ERC1: variants seen among roughly 807,000 people sequenced by gnomAD.
The protein encoded by ERC1 is ELKS/RAB6-interacting/CAST family member 1.
In ERC1, 56 loss-of-function variants were observed where a neutral mutation model predicts 132.0. That is an observed-to-expected ratio of 0.42 (90% CI 0.34 to 0.53). ERC1 has a LOEUF of 0.53. ERC1 is among the 20% of genes least tolerant of loss of function. ERC1 has a pLI of 0.03. For missense variants in ERC1, 1,202 were observed against 1,349.9 expected (o/e 0.89, Z 1.72); for synonymous variants, 478 against 476.1 (o/e 1.00, Z -0.05).
chr12:1,179,769 A>G (rs1954194740), intron 8 of ERC1, among the ~76,000 whole-genome samples: 1 of 152,088 alleles, frequency 6.6e-6, no homozygotes, highest in African/African-American at 2.4e-5. Context: ...GGCCTCCCAA[A>G]GTGCTGGGAT....
intron 3 of ERC1, among the ~76,000 whole-genome samples, chr12:1,097,401 T>C (rs1944170618): frequency 6.6e-6 from 1 of 152,242 alleles, no homozygotes; most frequent in African/African-American, 2.4e-5. Flanking sequence ...TGGTTTAGAA[T>C]AGCCTTTTCT....
chr12:1,309,973 A>G (rs891007615), intron 15 of ERC1, among the ~76,000 whole-genome samples: 4 of 150,106 alleles, frequency 2.7e-5, no homozygotes, highest in Non-Finnish European at 4.5e-5. Context: ...TTTGAGACAG[A>G]GTCTCGTGCT....
At chr12:1,461,942 CACAT>C (rs1375001707) in intron 18 of ERC1, among the ~76,000 whole-genome samples, 1 of 152,020 alleles carries the variant, frequency 6.6e-6, no homozygotes, top group Non-Finnish European at 1.5e-5. Flanking sequence ...CACACAAAAA[CACAT>C]ACACACATGA....
intron 15 of ERC1, among the ~76,000 whole-genome samples, chr12:1,297,538 CAAAAAAAA>C (rs34023344): frequency 1.2e-5 from 1 of 80,572 alleles, no homozygotes; most frequent in Admixed American, 1.5e-4. Context: ...CCTGTTTCTA[CAAAAAAAA>C]AAAAAAAAAA....
intron 18 of ERC1, among the ~76,000 whole-genome samples, chr12:1,451,566 A>G (rs554677259): frequency 6.6e-6 from 1 of 152,318 alleles, no homozygotes; most frequent in African/African-American, 2.4e-5. Context: ...TCAAGATTGC[A>G]GTGAGCTATG....
chr12:1,379,856 G>A (rs1182487789), intron 16 of ERC1, among the ~76,000 whole-genome samples: 1 of 152,108 alleles, frequency 6.6e-6, no homozygotes, highest in African/African-American at 2.4e-5. Flanking sequence ...CCCTTATATA[G>A]TATAGGAGGG....
chr12:1,190,217 G>C, intron 12 of ERC1, 165 bp downstream of exon 12: 1 of 763,600 alleles, frequency 1.3e-6, no homozygotes, highest in Non-Finnish European at 2.4e-6. Context: ...TACGTTCTTT[G>C]TTGAGGTGTC....
intron 18 of ERC1, among the ~76,000 whole-genome samples, chr12:1,488,555 A>T (rs556656064): frequency 6.6e-6 from 1 of 152,122 alleles, no homozygotes; most frequent in Non-Finnish European, 1.5e-5. Context: ...TTGGCCTGAC[A>T]TGGTTATTAT....
intron 7 of ERC1, among the ~76,000 whole-genome samples, chr12:1,140,877 T>C (rs898663665): frequency 1.3e-5 from 2 of 152,116 alleles, no homozygotes; most frequent in African/African-American, 4.8e-5. Flanking sequence ...GTTATATGTT[T>C]GAAATGACAA....
intron 7 of ERC1, among the ~76,000 whole-genome samples, chr12:1,131,304 C>A (rs1005195117): frequency 6.6e-6 from 1 of 151,884 alleles, no homozygotes; most frequent in Non-Finnish European, 1.5e-5. Flanking sequence ...AAGGTGTGAT[C>A]ACAGAGTTAG....
rs370057465 is a variant in ERC1, at chr12:1,013,528, A to G, written c.-156-14220A>G. 3.5e-4 allele frequency among the ~76,000 whole-genome samples: 53 copies of G among 152,114 alleles called. 1 individual carries two copies. The South Asian group carries it at 9.8e-3, about 28-fold the overall frequency. On this transcript the variant is annotated intron_variant, in intron 1 of 18. Coordinates refer to ENST00000360905, the MANE Select transcript of ERC1 (RefSeq NM_178040.4). Reference sequence around the variant, plus strand: ...CTGCTCCAAGCAGAGGTGGCCTTTCAGATAGGTATGCTCTGAAACAGTGCT... The same window carrying G: ...CTGCTCCAAGCAGAGGTGGCCTTTCGGATAGGTATGCTCTGAAACAGTGCT...
intron 12 of ERC1, among the ~76,000 whole-genome samples, chr12:1,225,450 ACACACACACACACACACACAC>A (rs1389855935): frequency 3.9e-5 from 2 of 50,826 alleles, no homozygotes; most frequent in Admixed American, 2.2e-4. Context: ...GCTGTCTCTT[ACACACACACACACACACACAC>A]ACACACACAC....
chr12:1,460,838 A>T (rs1303708101), intron 18 of ERC1, among the ~76,000 whole-genome samples: 1 of 151,812 alleles, frequency 6.6e-6, no homozygotes, highest in African/African-American at 2.4e-5. Context: ...CTTGAACTCC[A>T]TAAAAAATAA....
chr12:1,289,521 A>G (rs1329800721), intron 14 of ERC1, among the ~76,000 whole-genome samples: 1 of 152,082 alleles, frequency 6.6e-6, no homozygotes, highest in Non-Finnish European at 1.5e-5. Context: ...TATTATTTCC[A>G]TGGAAATTTC....
rs1447660260 is a variant in ERC1, at chr12:1,402,391, A to G, written c.2926-5758A>G. ...CTAAAAATACAAAAGTTAGCTGGGCATGGTGGCGGGCATCTGTAATCTCAG... is the reference window on the plus strand; with the variant it reads ...CTAAAAATACAAAAGTTAGCTGGGCGTGGTGGCGGGCATCTGTAATCTCAG... On this transcript the variant is annotated intron_variant, in intron 16 of 18. Transcript: ENST00000360905. 2.6e-5 allele frequency among the ~76,000 whole-genome samples: 4 copies of G among 152,246 alleles called. No homozygotes were observed. The South Asian group carries it at 8.3e-4, about 32-fold the overall frequency.
At chr12:1,489,526 G>T (rs2094294263) in intron 18 of ERC1, among the ~76,000 whole-genome samples, 1 of 152,212 alleles carries the variant, frequency 6.6e-6, no homozygotes. Context: ...TGGTTAAAAT[G>T]CTTGAAGGAA....
At chr12:1,372,597 A>G (rs2087373473) in intron 16 of ERC1, among the ~76,000 whole-genome samples, 1 of 152,238 alleles carries the variant, frequency 6.6e-6, no homozygotes, top group Admixed American at 6.5e-5. Context: ...TTACCACAAT[A>G]AAGAAATGGA....
chr12:1,137,921 A>G (rs935857154), intron 7 of ERC1, among the ~76,000 whole-genome samples: 3 of 139,570 alleles, frequency 2.1e-5, no homozygotes, highest in Non-Finnish European at 4.6e-5. Context: ...GTATTATATA[A>G]TACATATTAT....
At chr12:1,003,096 C>CAAAAAAAAAAAAAAAAAAAAAATAA (rs59507923) in intron 1 of ERC1, among the ~76,000 whole-genome samples, 1 of 86,920 alleles carries the variant, frequency 1.2e-5, no homozygotes, top group African/African-American at 5.2e-5. Context: ...ATGAAAAATG[C>CAAAAAAAAAAAAAAAAAAAAAATAA]AAAAAAAAAA....
Sources: allele counts gnomAD v4.1 joint callset (sites outside exome capture counted in the v4.1 genomes callset), GRCh38; gene constraint gnomAD v4.1.1; transcripts MANE v1.5; gene names NCBI Gene and HGNC (gene_info 2026-07-23, HGNC 2026-07-21).